PXDNL: variants seen among roughly 807,000 people sequenced by gnomAD.
PXDNL encodes the protein probable oxidoreductase PXDNL.
A neutral mutation model predicts 150.8 loss-of-function variants in PXDNL; 145 were observed. That is an observed-to-expected ratio of 0.96 (90% CI 0.84 to 1.10). PXDNL has a LOEUF of 1.10. Ranked by LOEUF, PXDNL falls within the 50% of genes least tolerant of loss-of-function variation. PXDNL has a pLI of 0.00. For synonymous variants in PXDNL, 757 were observed against 725.7 expected (o/e 1.04, Z -0.69); for missense variants, 2,087 against 1,873.9 (o/e 1.11, Z -2.10).
intron 21 of PXDNL, among the ~76,000 whole-genome samples, chr8:51,336,731 A>G (rs1319823325): frequency 6.6e-6 from 1 of 152,066 alleles, no homozygotes; most frequent in Admixed American, 6.5e-5. Flanking sequence ...GTGTTATGTC[A>G]TGTTTATTTA....
chr8:51,489,204 ATAAT>A (rs1810836968), intron 5 of PXDNL, among the ~76,000 whole-genome samples: 1 of 152,250 alleles, frequency 6.6e-6, no homozygotes, highest in Non-Finnish European at 1.5e-5. Context: ...AGTCAAATAA[ATAAT>A]TAAAGAGAAT....
chr8:51,686,457 TCTC>T (rs1815875606), intron 1 of PXDNL, among the ~76,000 whole-genome samples: 1 of 152,212 alleles, frequency 6.6e-6, no homozygotes. Flanking sequence ...TGCTAGTGGT[TCTC>T]CTCCTGTTCC....
At chr8:51,755,298 G>GT (rs67163635) in intron 1 of PXDNL, among the ~76,000 whole-genome samples, 243 of 141,614 alleles carry the variant, frequency 1.7e-3, no homozygotes, top group African/African-American at 4.9e-3. Context: ...AGAATGTTTT[G>GT]TTTTTTTTTT....
At chr8:51,772,235 TATAC>T (rs1371840252) in intron 1 of PXDNL, among the ~76,000 whole-genome samples, 28 of 107,106 alleles carry the variant, frequency 2.6e-4, no homozygotes, top group Admixed American at 6.8e-4. Flanking sequence ...TCTCTCTCTA[TATAC>T]ACACACACAC....
At chr8:51,427,544 A>G (rs937112742) in intron 12 of PXDNL, among the ~76,000 whole-genome samples, 1 of 152,234 alleles carries the variant, frequency 6.6e-6, no homozygotes, top group African/African-American at 2.4e-5. Flanking sequence ...AGGTTTATAC[A>G]CCATGAGCAA....
intron 12 of PXDNL, chr8:51,436,368 A>C: frequency 2.3e-6 from 1 of 435,542 alleles, no homozygotes. Flanking sequence ...CTTTATATAA[A>C]AATTCTCACT....
intron 4 of PXDNL, among the ~76,000 whole-genome samples, chr8:51,503,056 TA>T (rs1338629561): frequency 1.1e-4 from 16 of 152,134 alleles, no homozygotes; most frequent in Admixed American, 1.0e-3. Flanking sequence ...GAGAAATGCA[TA>T]ATCTCCTTTT....
intron 4 of PXDNL, among the ~76,000 whole-genome samples, chr8:51,550,507 T>C (rs575779884): frequency 6.6e-5 from 10 of 152,230 alleles, no homozygotes; most frequent in African/African-American, 2.2e-4. Context: ...TTTCATACCA[T>C]GGATGTAGGG....
rs1358026465 is a variant in PXDNL at position 51,408,451 on chromosome 8, G to A, written c.3173C>T (p.Thr1058Ile). Residue 1058 changes from threonine to isoleucine, a missense_variant, in exon 17 of 23, where the codon ACA (threonine) becomes ATA (isoleucine). Physicochemically the swap from Thr to Ile is moderately conservative, Grantham distance 89. Transcript: ENST00000356297. ...TCGGTAAAGAATAGGATTGATTAAT[G>A]TGTGGCCAAATCTAAAGGCTGCAGT... Reference protein sequence around the residue: ...FATAAFRFGHTLINPILYRLN... With the variant: ...FATAAFRFGHILINPILYRLN... 1 of 1,613,998 alleles carries A rather than the reference G, an allele frequency of 6.2e-7. No individual in the cohort carries two copies.
At chr8:51,474,151 G>T (rs1810419122) in intron 7 of PXDNL, among the ~76,000 whole-genome samples, 1 of 152,092 alleles carries the variant, frequency 6.6e-6, no homozygotes, top group Admixed American at 6.6e-5. Context: ...TTCAAAAAAT[G>T]GCTTGCCAGC....
chr8:51,721,309 A>G (rs1172621287), intron 1 of PXDNL, among the ~76,000 whole-genome samples: 1 of 152,230 alleles, frequency 6.6e-6, no homozygotes, highest in East Asian at 1.9e-4. Context: ...CTTTATTCCC[A>G]GGTTTTTTCA....
chr8:51,374,489 T>C (rs1056093569), intron 18 of PXDNL, 108 bp downstream of exon 18: 1 of 1,065,224 alleles, frequency 9.4e-7, no homozygotes, highest in Non-Finnish European at 1.4e-6. Context: ...TTCATTATAC[T>C]CAATATGCAT....
intron 4 of PXDNL, among the ~76,000 whole-genome samples, chr8:51,547,281 G>T (rs981571379): frequency 1.3e-5 from 2 of 152,178 alleles, no homozygotes; most frequent in Admixed American, 6.5e-5. Context: ...CTGCTCCAAA[G>T]AAGGAGCAAA....
intron 1 of PXDNL, among the ~76,000 whole-genome samples, chr8:51,754,492 C>A (rs900415057): frequency 3.4e-5 from 5 of 144,986 alleles, no homozygotes; most frequent in African/African-American, 1.2e-4. Flanking sequence ...TCATCCAGGC[C>A]TTGAAAGTCA....
chr8:51,665,518 C>G (rs972716549), intron 1 of PXDNL, among the ~76,000 whole-genome samples: 3 of 152,178 alleles, frequency 2.0e-5, no homozygotes, highest in South Asian at 2.1e-4. Context: ...CACAGGCAAA[C>G]TGCGAGCTCT....
intron 3 of PXDNL, among the ~76,000 whole-genome samples, chr8:51,583,751 G>A (rs1056598702): frequency 2.0e-5 from 3 of 152,078 alleles, no homozygotes; most frequent in African/African-American, 4.8e-5. Context: ...ATGGATAGAT[G>A]GATATTAGAT....
At chr8:51,358,627 C>T (rs1806599170) in intron 19 of PXDNL, among the ~76,000 whole-genome samples, 1 of 152,200 alleles carries the variant, frequency 6.6e-6, no homozygotes, top group South Asian at 2.1e-4. Flanking sequence ...GAGGAATGGT[C>T]TCGCCTGGCC....
intron 2 of PXDNL, among the ~76,000 whole-genome samples, chr8:51,621,550 T>A (rs972049207): frequency 6.6e-6 from 1 of 151,840 alleles, no homozygotes; most frequent in Admixed American, 6.6e-5. Context: ...TAGACGGGAT[T>A]CTAAGATGCC....
At chr8:51,439,443 A>G (rs1217609988) in intron 12 of PXDNL, among the ~76,000 whole-genome samples, 1 of 152,224 alleles carries the variant, frequency 6.6e-6, no homozygotes, top group Admixed American at 6.5e-5. Context: ...TGGCATGGAT[A>G]TAGTGGAAAG....
Sources: allele counts gnomAD v4.1 joint callset (sites outside exome capture counted in the v4.1 genomes callset), GRCh38; gene constraint gnomAD v4.1.1; transcripts MANE v1.5; gene names NCBI Gene and HGNC (gene_info 2026-07-23, HGNC 2026-07-21).